FAM240B: variants seen among roughly 807,000 people sequenced by gnomAD.
FAM240B encodes family with sequence similarity 240 member B, also known as protein FAM240B.
chr9:38,710,994 G>A (rs1457216622), intron 1 of FAM240B, among the ~76,000 whole-genome samples: 1 of 152,150 alleles, frequency 6.6e-6, no homozygotes, highest in Non-Finnish European at 1.5e-5. Context: ...CCACGGGACA[G>A]AGAGATGGCG....
chr9:38,695,886 C>T (rs1306372292), intron 2 of FAM240B, among the ~76,000 whole-genome samples: 14 of 152,154 alleles, frequency 9.2e-5, no homozygotes, highest in African/African-American at 1.7e-4. Flanking sequence ...GAAATAAATA[C>T]GCAGTAATGT....
At chr9:38,706,007 C>T (rs1388509648) in intron 1 of FAM240B, among the ~76,000 whole-genome samples, 1 of 152,178 alleles carries the variant, frequency 6.6e-6, no homozygotes, top group African/African-American at 2.4e-5. Context: ...GAACATTTTC[C>T]TCAGTGCCAG....
intron 1 of FAM240B, among the ~76,000 whole-genome samples, chr9:38,717,330 C>T (rs554632159): frequency 2.0e-5 from 3 of 152,216 alleles, no homozygotes; most frequent in East Asian, 3.9e-4. Context: ...CCTGTAATCC[C>T]GGCATTTTGG....
intron 2 of FAM240B, among the ~76,000 whole-genome samples, chr9:38,702,369 T>C (rs1821139010): frequency 6.6e-6 from 1 of 152,376 alleles, no homozygotes; most frequent in South Asian, 2.1e-4. Flanking sequence ...GTTTTACTCA[T>C]GTGAATTACT....
chr9:38,706,826 A>T (rs1255083351), intron 1 of FAM240B, among the ~76,000 whole-genome samples: 6 of 152,188 alleles, frequency 3.9e-5, no homozygotes, highest in African/African-American at 1.4e-4. Context: ...ATTCTAATAA[A>T]TTTCTAGCCA....
At chr9:38,699,264 T>A (rs1216312337) in intron 2 of FAM240B, among the ~76,000 whole-genome samples, 1 of 152,224 alleles carries the variant, frequency 6.6e-6, no homozygotes, top group Non-Finnish European at 1.5e-5. Context: ...TAAGTCATAA[T>A]CATAATGTTA....
chr9:38,718,348 C>T (rs545926493), intron 1 of FAM240B, among the ~76,000 whole-genome samples: 2 of 152,338 alleles, frequency 1.3e-5, no homozygotes, highest in Admixed American at 6.5e-5. Flanking sequence ...TCCATATTGC[C>T]TTCTGCTGTC....
intron 1 of FAM240B, among the ~76,000 whole-genome samples, chr9:38,717,487 T>C (rs910684797): frequency 4.6e-5 from 7 of 152,086 alleles, no homozygotes; most frequent in African/African-American, 1.4e-4. Flanking sequence ...GGTGTTTGTT[T>C]GTTTGTTTTT....
intron 1 of FAM240B, among the ~76,000 whole-genome samples, chr9:38,716,874 G>A (rs1821309130): frequency 6.6e-6 from 1 of 152,204 alleles, no homozygotes; most frequent in Non-Finnish European, 1.5e-5. Flanking sequence ...TGGACTACCT[G>A]GAACGAAGGC....
intron 2 of FAM240B, among the ~76,000 whole-genome samples, chr9:38,695,773 G>C (rs879267264): frequency 6.6e-6 from 1 of 152,222 alleles, no homozygotes; most frequent in Non-Finnish European, 1.5e-5. Flanking sequence ...GAACACTGTT[G>C]AAGGACTCAC....
chr9:38,714,522 G>A (rs73646258), intron 1 of FAM240B, among the ~76,000 whole-genome samples: 2,240 of 152,284 alleles, frequency 0.015, 49 homozygotes, highest in African/African-American at 0.051. Context: ...GGGGAAAGTA[G>A]TCACTTTACA....
rs541305200 is a variant in FAM240B, at chr9:38,701,382, A to T, written c.143+2475T>A. On this transcript the variant is annotated intron_variant, in intron 2 of 2. Transcript: ENST00000637493. The stretch of plus-strand genomic sequence containing the variant: ...GGCTCTGACATTTTCGTTCTAATTT[A>T]AAAATTCTAGATTTTTTGTGAAACT... Among the ~76,000 whole-genome samples, 16 of 152,330 alleles carry T rather than the reference A, an allele frequency of 1.1e-4. No individual in the cohort carries two copies. In the East Asian group the frequency reaches 2.9e-3, roughly 28 times the overall value.
chr9:38,711,047 T>C (rs1316262268), intron 1 of FAM240B, among the ~76,000 whole-genome samples: 1 of 152,086 alleles, frequency 6.6e-6, no homozygotes, highest in East Asian at 1.9e-4. Context: ...GGCATCCAGT[T>C]AAATCTGTTG....
chr9:38,708,762 T>C (rs16935357), intron 1 of FAM240B, among the ~76,000 whole-genome samples: 21,154 of 152,156 alleles, frequency 0.14, 1,630 homozygotes, highest in East Asian at 0.22. Flanking sequence ...GCATCAAAAG[T>C]GCTAACTGAA....
chr9:38,694,623 C>G lies in FAM240B; in HGVS notation c.*153G>C, dbSNP rs571048109. On this transcript the variant is annotated 3_prime_UTR_variant, in exon 3 of 3. Transcript: ENST00000637493. ...TGAGCAGGATAATAACTCCCATTAG[C>G]ACTGGGGGAGGTTTCACATGTAAAT... 1 of 394,578 alleles carries G rather than the reference C, an allele frequency of 2.5e-6. No homozygotes were observed. The highest frequency in any genetic ancestry group is 1.4e-4 in the South Asian group (1 of 7,008). The allele number at this position is 394,578 out of a possible 1,614,324, so 24.4% of individuals were successfully genotyped here. A position where few individuals can be genotyped will look rare whatever the true frequency, so the allele number is the denominator to read the frequency against.
intron 2 of FAM240B, among the ~76,000 whole-genome samples, chr9:38,699,329 G>A (rs1430849679): frequency 6.6e-6 from 1 of 152,174 alleles, no homozygotes; most frequent in African/African-American, 2.4e-5. Flanking sequence ...CCTATCTTAT[G>A]CTAGGCACTA....
intron 1 of FAM240B, among the ~76,000 whole-genome samples, chr9:38,706,440 T>C (rs1020908022): frequency 6.6e-5 from 10 of 152,176 alleles, no homozygotes; most frequent in Non-Finnish European, 1.2e-4. Context: ...TGATGGACGC[T>C]GGGGTGTTTG....
chr9:38,711,659 CTTTT>C (rs71365908), intron 1 of FAM240B, among the ~76,000 whole-genome samples: 236 of 139,026 alleles, frequency 1.7e-3, no homozygotes, highest in Non-Finnish European at 3.2e-3. Context: ...CTTTCTTCTT[CTTTT>C]TTTTTTTTTT....
At position 38,717,174 on chromosome 9, in the gene FAM240B, C is replaced by T. The variant is rs1821313699; in HGVS notation, c.-4+2848G>A. Among the ~76,000 whole-genome samples the T allele has an allele frequency of 2.0e-5, 3 of 152,310 alleles. No individual in the cohort carries two copies. The South Asian group carries it at 6.2e-4, about 32-fold the overall frequency. On this transcript the variant is annotated intron_variant, in intron 1 of 2. Transcript: ENST00000637493. ...TCGGCTTCCCTCTCTTAGGCTGCTT[C>T]TCCCTTTGTTTCCCTTTTCTTGGGA...
Sources: gnomAD v4.1 joint callset for allele counts (sites outside exome capture counted in the v4.1 genomes callset) on GRCh38, gnomAD v4.1.1 for gene constraint, MANE v1.5 for transcripts, NCBI Gene and HGNC (gene_info 2026-07-23, HGNC 2026-07-21) for gene names.